The following FBF1 variants were observed in gnomAD, a reference collection of about 807,000 sequenced individuals.
FBF1 encodes the protein fas-binding factor 1.
A neutral mutation model predicts 147.2 loss-of-function variants in FBF1; 119 were observed. The ratio of observed to expected loss-of-function variants is 0.81; its 90% CI spans 0.70 to 0.94. The LOEUF (loss-of-function observed/expected upper bound fraction) is 0.94. Among genes scored for constraint, FBF1 ranks in the 40% least tolerant of loss-of-function variants. FBF1 has a pLI of 0.00. For missense variants in FBF1, 1,449 were observed against 1,500.8 expected (o/e 0.97, Z 0.57); for synonymous variants, 601 against 609.0 (o/e 0.99, Z 0.19).
In FBF1 at chr17:75,914,236, C is replaced by G; in HGVS notation, c.2877G>C (p.Ala959=). Residue 959 remains alanine, a synonymous_variant, in exon 26 of 30, where the codon GCG becomes GCC. Coordinates refer to ENST00000636174, the MANE Select transcript of FBF1 (RefSeq NM_001319193.2). ...ELRAEEKQLA[A]ERAALEQERQ... is the part of the protein sequence containing the mutation. ...GCTCCTGCTCCAGGGCTGCTCTCTCCGCTGCCAGCTGCTTCTCCTCGGCCC... is the reference window on the plus strand; with the variant it reads ...GCTCCTGCTCCAGGGCTGCTCTCTCGGCTGCCAGCTGCTTCTCCTCGGCCC... The G allele has an allele frequency of 6.3e-7, 1 of 1,593,346 alleles. No homozygotes were observed. The highest frequency in any genetic ancestry group is 8.5e-7 in the Non-Finnish European group (1 of 1,172,242).
rs1438527554 is a variant in FBF1, at chr17:75,918,324, G to A, written c.2139-55C>T. On this transcript the variant is annotated intron_variant, in intron 20 of 29. Transcript: ENST00000636174. This position sits in a 1 kb window ranked among gnomAD's most constrained non-coding sequence, Gnocchi z 5.8. Reference sequence around the variant, plus strand: ...ACTCTGAGCTGGATCACCCTGATGCGGTAACTCCTTGTGGAAGGGTGTGTT... The same window carrying A: ...ACTCTGAGCTGGATCACCCTGATGCAGTAACTCCTTGTGGAAGGGTGTGTT... 23 of 1,448,534 alleles carry A rather than the reference G, an allele frequency of 1.6e-5. No homozygotes were observed. In the East Asian group the frequency reaches 3.5e-4, roughly 22 times the overall value. 89.7% of individuals were successfully genotyped at this position (1,448,534 alleles called of 1,614,324 possible).
At chr17:75,921,921 A>T in intron 15 of FBF1, 24 bp downstream of exon 15, 1 of 1,541,426 alleles carries the variant, frequency 6.5e-7, no homozygotes, top group Non-Finnish European at 8.8e-7. Flanking sequence ...TCTCATTCCC[A>T]CTCAGCCCGC....
chr17:75,927,017 G>A (rs2065566306), intron 9 of FBF1, 140 bp from the exon 10 acceptor site: 3 of 1,211,298 alleles, frequency 2.5e-6, no homozygotes, highest in Admixed American at 4.9e-5. Context: ...TGGAGGGTGG[G>A]GCCTGGGGCA....
chr17:75,937,952 ACACT>A, intron 2 of FBF1, 191 bp downstream of exon 2: 1 of 752,314 alleles, frequency 1.3e-6, no homozygotes, highest in East Asian at 2.7e-5. Context: ...TTCCAGCTGG[ACACT>A]CAGAGTCTCA....
At position 75,925,352 on chromosome 17, in the gene FBF1, AGACTGCCGGCGG is replaced by A. The variant is rs1343077825; in HGVS notation, c.951_962del (p.Arg318_Ser321del). On this transcript the variant is annotated inframe_deletion, in exon 13 of 30. Coordinates refer to ENST00000636174, the MANE Select transcript of FBF1 (RefSeq NM_001319193.2). The surrounding 1 kb of genome is among the most constrained non-coding windows in gnomAD (Gnocchi z 5.0). ...CTCCTGCAGGCCCCACTTACCTGAC[AGACTGCCGGCGG>A]GACTGCCGGCCCTCAGAGGAGACCA... 5 of 1,612,546 alleles carry A rather than the reference AGACTGCCGGCGG, an allele frequency of 3.1e-6. No homozygotes were observed. The highest frequency in any genetic ancestry group is 1.7e-5 in the Admixed American group (1 of 59,778).
intron 4 of FBF1, among the ~76,000 whole-genome samples, chr17:75,933,530 C>T (rs2065606749): frequency 6.6e-6 from 1 of 152,130 alleles, no homozygotes; most frequent in African/African-American, 2.4e-5. Context: ...GAAATTGCGC[C>T]ACTGCACTCC....
At position 75,921,291 on chromosome 17, in the gene FBF1, A is replaced by G. The variant is rs149105732; in HGVS notation, c.1627T>C (p.Cys543Arg). 3,564 of 1,591,944 alleles carry G rather than the reference A, an allele frequency of 2.2e-3. 46 individuals are homozygous for G. The highest frequency in any genetic ancestry group is 0.022 in the Admixed American group (1,214 of 56,384). The change falls in exon 17 of 30, where the codon TGT becomes CGT. Residue 543 changes from cysteine to arginine, a missense_variant. Transcript: ENST00000636174. ...GTGGGTTTCTGGGTGCTCGGGAAAC[A>G]CGTGGCAGGCTCTGAAACATCAACA... is the stretch of plus-strand genomic sequence containing the variant. The part of the protein sequence containing the change: ...GDLSATEPAT[C>R]FPSTQKPTEP...
Position 75,925,264 on chromosome 17 carries a change from G to T in FBF1, c.968+83C>A. ...GGCCTCCCACATGAGACTCTCGGGT[G>T]GGACAGGGGACAGCTGCAGGGGCCT... On this transcript the variant is annotated intron_variant, in intron 13 of 29. Coordinates refer to ENST00000636174, the MANE Select transcript of FBF1 (RefSeq NM_001319193.2). This position sits in a 1 kb window ranked among gnomAD's most constrained non-coding sequence, Gnocchi z 5.0. 1.9e-6 allele frequency: 2 copies of T among 1,037,924 alleles called. No homozygotes were observed. The allele number at this position is 1,037,924 out of a possible 1,614,324, so 64.3% of individuals were successfully genotyped here.
At position 75,912,193 on chromosome 17, in the gene FBF1, T is replaced by G. The variant is rs772849899; in HGVS notation, c.3362A>C (p.Gln1121Pro). The G allele has an allele frequency of 6.2e-7, 1 of 1,605,784 alleles. No homozygotes were observed. The highest frequency in any genetic ancestry group is 1.7e-5 in the Admixed American group (1 of 58,982). The change falls in exon 29 of 30, where the codon CAG (glutamine) becomes CCG (proline). Residue 1121 changes from glutamine to proline, a missense_variant and splice_region_variant. Coordinates refer to ENST00000636174, the MANE Select transcript of FBF1 (RefSeq NM_001319193.2). ...TCCCCAAGGCCAGGAGAGACTCACC[T>G]GCTCTGCCATGTGCCTCAGCAGTGC... Reference protein sequence around the residue: ...RLALLRHMAEQDRDFLENEQF... With the variant: ...RLALLRHMAEPDRDFLENEQF...
intron 1 of FBF1, among the ~76,000 whole-genome samples, chr17:75,938,555 C>CAAAA (rs34602242): frequency 4.8e-4 from 28 of 58,814 alleles, no homozygotes; most frequent in African/African-American, 1.2e-3. Flanking sequence ...GACTCCATCT[C>CAAAA]AAAAAAAAAA....
intron 1 of FBF1, chr17:75,940,515 CAA>C (rs1001105128): frequency 6.6e-6 from 1 of 152,516 alleles, no homozygotes; most frequent in African/African-American, 2.4e-5. Flanking sequence ...CTTGGCCTCC[CAA>C]AGTGTCGGGA....
chr17:75,927,115 C>T (rs1567862275), intron 9 of FBF1, among the ~76,000 whole-genome samples: 1 of 152,158 alleles, frequency 6.6e-6, no homozygotes, highest in Non-Finnish European at 1.5e-5. Context: ...TCAGGCTTGC[C>T]GGTGGGGCCT....
Position 75,931,272 on chromosome 17 carries a change from T to A in FBF1, c.185A>T (p.Asp62Val). Reference sequence around the variant, plus strand: ...CAGGCCTGCCATGGTGCTGAAGACATCATCACCCAGGAGGGACCTGCAAAG... The same window carrying A: ...CAGGCCTGCCATGGTGCTGAAGACAACATCACCCAGGAGGGACCTGCAAAG... ...KARTKSLLGDDVFSTMAGLEE... is the reference protein window; with the variant it reads ...KARTKSLLGDVVFSTMAGLEE... The change falls in exon 6 of 30, where the codon GAT (aspartate) becomes GTT (valine). Residue 62 changes from aspartate to valine, a missense_variant. Coordinates refer to ENST00000636174, the MANE Select transcript of FBF1 (RefSeq NM_001319193.2). The A allele has an allele frequency of 6.3e-7, 1 of 1,584,342 alleles. No individual in the cohort carries two copies.
chr17:75,923,627 T>C lies in FBF1; in HGVS notation c.983A>G (p.Asp328Gly). 6.2e-7 allele frequency: 1 copy of C among 1,604,580 alleles called. No individual in the cohort carries two copies. Among genetic ancestry groups the C allele is most frequent in the Non-Finnish European group, 8.5e-7 (1 of 1,175,808 alleles). Reference protein sequence around the residue: ...RRQSVSRFFADSGADPKGEPG... With the variant: ...RRQSVSRFFAGSGADPKGEPG... ...TTCTCCCTTGGGGTCTGCGCCACTG[T>C]CTGCGAAGAACCTACTTCAAGACAG... is the stretch of plus-strand genomic sequence containing the variant. The change falls in exon 14 of 30, where the codon GAC becomes GGC. Residue 328 changes from aspartate (D) to glycine (G), a missense_variant. By Grantham distance (94) the Asp-to-Gly change is moderately conservative (BLOSUM62 -1). Coordinates refer to ENST00000636174, the MANE Select transcript of FBF1 (RefSeq NM_001319193.2). This position sits in a 1 kb window ranked among gnomAD's most constrained non-coding sequence, Gnocchi z 4.1.
chr17:75,917,638 A>G (rs2144159742), intron 23 of FBF1, 94 bp downstream of exon 23: 1 of 1,124,880 alleles, frequency 8.9e-7, no homozygotes, highest in East Asian at 2.6e-5. Context: ...CTCCTGAGGA[A>G]GTGAGGTCAC....
In FBF1 at chr17:75,914,293, C is replaced by T. The variant is rs147541272; in HGVS notation, c.2820G>A (p.Gln940=). The change falls in exon 26 of 30, where the codon CAG becomes CAA. Residue 940 remains glutamine (Q), a synonymous_variant. Coordinates refer to ENST00000636174, the MANE Select transcript of FBF1 (RefSeq NM_001319193.2). ...EGTLISLAKE[Q]AELKIRASEL... ...CGCTGGCCCTGATCTTCAGCTCAGC[C>T]TGCTCCTGGAGACAGCGGAGGCCCT... 6.3e-7 allele frequency: 1 copy of T among 1,590,712 alleles called. No homozygotes were observed. The highest frequency in any genetic ancestry group is 8.5e-7 in the Non-Finnish European group (1 of 1,173,410).
chr17:75,926,295 C>A lies in FBF1; in HGVS notation c.727G>T (p.Gly243Ter), dbSNP rs1466101476. The change falls in exon 11 of 30, where the codon GGA (glycine) becomes TGA (stop). Residue 243 changes from glycine to a stop codon, truncating the protein, a stop_gained. Coordinates refer to ENST00000636174, the MANE Select transcript of FBF1 (RefSeq NM_001319193.2). LOFTEE classifies it high-confidence loss of function. ...DSPKAEKRQIGDQEGPRPARS... is the reference protein window; with the variant it reads ...DSPKAEKRQI ...CTACTCAGGGATCCTTACTGGTCTC[C>A]TATCTGCCTCTTCTCTGCTTTGGGG... is the stretch of plus-strand genomic sequence containing the variant. 6.2e-7 allele frequency: 1 copy of A among 1,613,190 alleles called. No individual in the cohort carries two copies. The highest frequency in any genetic ancestry group is 8.5e-7 in the Non-Finnish European group (1 of 1,179,730).
intron 1 of FBF1, among the ~76,000 whole-genome samples, chr17:75,939,015 G>A (rs2065642240): frequency 6.6e-6 from 1 of 151,996 alleles, no homozygotes; most frequent in Non-Finnish European, 1.5e-5. Context: ...GTACTCTCAG[G>A]CTGGGCGCGG....
In FBF1 at chr17:75,917,765, T is replaced by C. The variant is rs2144160115; in HGVS notation, c.2472A>G (p.Ala824=). The C allele has an allele frequency of 6.2e-7, 1 of 1,609,280 alleles. No individual in the cohort carries two copies. The highest frequency in any genetic ancestry group is 8.5e-7 in the Non-Finnish European group (1 of 1,178,752). Residue 824 remains alanine, a synonymous_variant, in exon 23 of 30, where the codon GCA becomes GCG. Coordinates refer to ENST00000636174, the MANE Select transcript of FBF1 (RefSeq NM_001319193.2). ...RQQEVIGKME[A]RLNEQSRLLE... is the part of the protein sequence containing the mutation. ...GCAGCCGGCTCTGCTCATTCAGCCG[T>C]GCCTCCATCTTCCCGATGACCTCCT... is the stretch of plus-strand genomic sequence containing the variant.
Sources: allele counts gnomAD v4.1 joint callset (sites outside exome capture counted in the v4.1 genomes callset), GRCh38; gene constraint gnomAD v4.1.1; non-coding constraint Gnocchi (gnomAD v3.1); transcripts MANE v1.5; gene names NCBI Gene and HGNC (gene_info 2026-07-23, HGNC 2026-07-21).